ZNF644: variants seen among roughly 807,000 people sequenced by gnomAD.
The protein encoded by ZNF644 is zinc finger protein 644, also known as zinc finger motif enhancer binding protein 2.
ZNF644 carries 20 observed loss-of-function variants against 108.0 expected under a neutral mutation model. That is an observed-to-expected ratio of 0.19 (90% CI 0.13 to 0.27). The LOEUF (loss-of-function observed/expected upper bound fraction) is 0.27. Ranked by LOEUF, ZNF644 falls within the 10% of genes least tolerant of loss-of-function variation. The probability of loss-of-function intolerance (pLI) is 1.00; values close to 1 mark genes in which losing one functional copy is unlikely to be tolerated. For synonymous variants in ZNF644, 542 were observed against 539.1 expected (o/e 1.01, Z -0.08); for missense variants, 1,338 against 1,548.9 (o/e 0.86, Z 2.29).
intron 1 of ZNF644, among the ~76,000 whole-genome samples, chr1:90,985,221 G>C (rs935881019): frequency 6.6e-5 from 10 of 152,064 alleles, no homozygotes; most frequent in Admixed American, 5.2e-4. Flanking sequence ...TATTTATGGG[G>C]TACAATGTGA....
intron 2 of ZNF644, among the ~76,000 whole-genome samples, chr1:90,958,079 G>C (rs963056834): frequency 1.3e-5 from 2 of 151,586 alleles, no homozygotes; most frequent in Non-Finnish European, 2.9e-5. Context: ...TGACCAGCCT[G>C]GCCAACAGCG....
intron 1 of ZNF644, among the ~76,000 whole-genome samples, chr1:90,995,966 T>C (rs1436698338): frequency 1.3e-5 from 2 of 152,188 alleles, no homozygotes; most frequent in Admixed American, 6.5e-5. Flanking sequence ...TTTCTGTTGT[T>C]TGTAAGCCAC....
At chr1:90,974,073 A>C (rs1377216238) in intron 2 of ZNF644, among the ~76,000 whole-genome samples, 1 of 152,160 alleles carries the variant, frequency 6.6e-6, no homozygotes, top group East Asian at 1.9e-4. Flanking sequence ...GATGCCAAGA[A>C]GAATCTGAAC....
At chr1:91,014,045 TTTC>T (rs201630519) in intron 1 of ZNF644, among the ~76,000 whole-genome samples, 1,573 of 152,234 alleles carry the variant, frequency 0.01, 25 homozygotes, top group African/African-American at 0.035. Flanking sequence ...AAATTACCTT[TTTC>T]TTCTTCTTCT....
intron 1 of ZNF644, among the ~76,000 whole-genome samples, chr1:91,014,812 T>C (rs539268854): frequency 1.3e-5 from 2 of 152,302 alleles, no homozygotes; most frequent in Admixed American, 1.3e-4. Flanking sequence ...ACTTACAAAT[T>C]GTGTAACAAC....
chr1:91,019,622 G>A (rs1660720189), intron 1 of ZNF644, among the ~76,000 whole-genome samples: 1 of 152,120 alleles, frequency 6.6e-6, no homozygotes, highest in African/African-American at 2.4e-5. Flanking sequence ...CCAGACTGGA[G>A]TGCAGTGCCA....
intron 4 of ZNF644, 137 bp downstream of exon 4, chr1:90,937,348 A>G: frequency 8.4e-7 from 1 of 1,192,444 alleles, no homozygotes; most frequent in East Asian, 2.4e-5. Context: ...AGAATAACCA[A>G]TCTGTGCTCT....
intron 2 of ZNF644, among the ~76,000 whole-genome samples, chr1:90,978,941 A>C (rs915034143): frequency 6.6e-6 from 1 of 152,224 alleles, no homozygotes; most frequent in African/African-American, 2.4e-5. Flanking sequence ...GTCAACGTCT[A>C]ACTCTGTGTT....
rs564069271 is a variant in ZNF644, at chr1:90,928,619, G to A, written c.3688+8866C>T. ...ATTACAAGTGTGAGCCACCACGCCC[G>A]GCCTCCTTATTTTTAAAACATCCTT... is the stretch of plus-strand genomic sequence containing the variant. On this transcript the variant is annotated intron_variant, in intron 4 of 5. Transcript: ENST00000337393. Among the ~76,000 whole-genome samples the A allele has an allele frequency of 2.5e-4, 38 of 151,914 alleles. No homozygotes were observed. The South Asian group carries it at 3.3e-3, about 13-fold the overall frequency.
At chr1:90,929,827 C>T (rs1047339672) in intron 4 of ZNF644, among the ~76,000 whole-genome samples, 7 of 152,158 alleles carry the variant, frequency 4.6e-5, no homozygotes, top group African/African-American at 1.7e-4. Context: ...TACGATTACA[C>T]TTAAAAGTAA....
intron 1 of ZNF644, among the ~76,000 whole-genome samples, chr1:90,989,147 T>C (rs1657395605): frequency 6.6e-6 from 1 of 152,072 alleles, no homozygotes; most frequent in African/African-American, 2.4e-5. Flanking sequence ...AAATCCAAAA[T>C]ATGTAATATA....
rs552691459 is a variant in ZNF644, at chr1:90,960,589, G to C, written c.45-19280C>G. ...TGAATTTTACCTCTGTTTAAAGAAA[G>C]CCAATCATAAAATGTCCCATGTCCT... On this transcript the variant is annotated intron_variant, in intron 2 of 5. Transcript: ENST00000337393. Among the ~76,000 whole-genome samples the C allele has an allele frequency of 4.6e-5, 7 of 152,226 alleles. No individual in the cohort carries two copies. The South Asian group carries it at 1.2e-3, about 27-fold the overall frequency.
rs1296594431 is a variant in ZNF644 at position 90,940,658 on chromosome 1, CAAT to C, written c.693_695del (p.Leu232del). On this transcript the variant is annotated inframe_deletion, in exon 3 of 6. Coordinates refer to ENST00000337393, the MANE Select transcript of ZNF644 (RefSeq NM_201269.3). ...CTGTATTGACACAATCATCTTTCAC[CAAT>C]AAATCTTCACCATCCTCACCCACCT... 16 of 1,613,850 alleles carry C rather than the reference CAAT, an allele frequency of 9.9e-6. No individual in the cohort carries two copies. Among genetic ancestry groups the C allele is most frequent in the Admixed American group, 3.3e-5 (2 of 59,988 alleles).
At chr1:90,983,499 A>G (rs546836773) in intron 1 of ZNF644, among the ~76,000 whole-genome samples, 107 of 151,788 alleles carry the variant, frequency 7.0e-4, no homozygotes, top group Middle Eastern at 6.8e-3. Context: ...AAAAAAAAAA[A>G]AAGAAGAAGT....
Position 90,940,394 on chromosome 1 carries a change from C to T in ZNF644, c.960G>A (p.Met320Ile). The change falls in exon 3 of 6, where the codon ATG (methionine) becomes ATA (isoleucine). Residue 320 changes from methionine to isoleucine, a missense_variant. Coordinates refer to ENST00000337393, the MANE Select transcript of ZNF644 (RefSeq NM_201269.3). ...DSNCVPNKSK[M>I]QEVDFLEQNE... ...TTTGTTCTAGAAAGTCTACTTCTTGCATTTTTGATTTATTGGGTACACAAT... is the reference window on the plus strand; with the variant it reads ...TTTGTTCTAGAAAGTCTACTTCTTGTATTTTTGATTTATTGGGTACACAAT... 6.2e-7 allele frequency: 1 copy of T among 1,613,648 alleles called. No individual in the cohort carries two copies. The highest frequency in any genetic ancestry group is 8.5e-7 in the Non-Finnish European group (1 of 1,179,936).
intron 4 of ZNF644, among the ~76,000 whole-genome samples, chr1:90,930,282 G>A (rs1018232321): frequency 1.7e-4 from 26 of 152,048 alleles, no homozygotes; most frequent in Non-Finnish European, 3.2e-4. Flanking sequence ...GTGAAACTCC[G>A]TCTCACACAC....
At chr1:90,950,284 GGGA>G (rs1553151436) in intron 2 of ZNF644, among the ~76,000 whole-genome samples, 12 of 43,188 alleles carry the variant, frequency 2.8e-4, no homozygotes, top group East Asian at 7.2e-4. Flanking sequence ...CTCAAGGGAA[GGGA>G]AGGGAAGGGG....
Position 90,940,628 on chromosome 1 carries a change from C to A in ZNF644, c.726G>T (p.Thr242=). The A allele has an allele frequency of 6.2e-7, 1 of 1,613,958 alleles. No homozygotes were observed. The highest frequency in any genetic ancestry group is 8.5e-7 in the Non-Finnish European group (1 of 1,179,942). ...LVKDDCVNTV[T]GISSGTDGFR... The stretch of plus-strand genomic sequence containing the variant: ...ATCCATCTGTACCTGAGGAAATTCC[C>A]GTTACTGTATTGACACAATCATCTT... Residue 242 remains threonine (T), a synonymous_variant, in exon 3 of 6, where the codon ACG becomes ACT. Coordinates refer to ENST00000337393, the MANE Select transcript of ZNF644 (RefSeq NM_201269.3).
intron 2 of ZNF644, among the ~76,000 whole-genome samples, chr1:90,965,895 G>A (rs1654817442): frequency 6.6e-6 from 1 of 152,074 alleles, no homozygotes; most frequent in African/African-American, 2.4e-5. Flanking sequence ...GATTACAGGC[G>A]CCAGCCACCA....
Sources: allele counts gnomAD v4.1 joint callset (sites outside exome capture counted in the v4.1 genomes callset), GRCh38; gene constraint gnomAD v4.1.1; transcripts MANE v1.5; gene names NCBI Gene and HGNC (gene_info 2026-07-23, HGNC 2026-07-21).